Variants in SPMAP2 observed in about 807,000 individuals in gnomAD.
SPMAP2 encodes the protein sperm microtubule associated protein 2, also known as Theg homolog.
the SPMAP2 span, among the ~76,000 whole-genome samples, chr19:368,768 A>G: frequency 6.6e-6 from 1 of 152,188 alleles, no homozygotes; most frequent in African/African-American, 2.4e-5. This position sits in a 1 kb window ranked among gnomAD's most constrained non-coding sequence, Gnocchi z 4.1. Context: ...TTACAATGGA[A>G]GCTCCCACTC....
At chr19:374,235 G>C in the SPMAP2 span, 42 of 1,593,928 alleles carry the variant, frequency 2.6e-5, no homozygotes, top group Non-Finnish European at 3.4e-5. Flanking sequence ...GGAGGAGCCC[G>C]GGAAGGGTGC....
the SPMAP2 span, chr19:362,261 A>C: frequency 2.5e-6 from 4 of 1,587,066 alleles, no homozygotes; most frequent in Non-Finnish European, 2.6e-6. Context: ...TGGCAAGCTC[A>C]TAGAGGCGAG....
the SPMAP2 span, among the ~76,000 whole-genome samples, chr19:363,016 A>G: frequency 6.6e-6 from 1 of 152,060 alleles, no homozygotes. Context: ...GCCAATCCAG[A>G]GTCCGGAAGT....
the SPMAP2 span, chr19:367,153 C>A: frequency 6.2e-7 from 1 of 1,612,104 alleles, no homozygotes; most frequent in Admixed American, 1.7e-5. Context: ...TGGCTGGGGC[C>A]TTCGGCTTTG....
At chr19:362,005 G>A in the SPMAP2 span, 158 of 425,430 alleles carry the variant, frequency 3.7e-4, no homozygotes, top group African/African-American at 2.7e-3. Context: ...GAAGGCGCTC[G>A]AGATGGTCAA....
At chr19:372,412 G>A in the SPMAP2 span, among the ~76,000 whole-genome samples, 1 of 152,248 alleles carries the variant, frequency 6.6e-6, no homozygotes, top group Non-Finnish European at 1.5e-5. Flanking sequence ...TTCCACAGCT[G>A]GCAATGCAGT....
At chr19:367,846 G>A in the SPMAP2 span, among the ~76,000 whole-genome samples, 1 of 152,118 alleles carries the variant, frequency 6.6e-6, no homozygotes, top group Non-Finnish European at 1.5e-5. Context: ...CTCAAGAGAG[G>A]GCAACCCAGC....
chr19:366,986 G>C, the SPMAP2 span: 1 of 1,457,942 alleles, frequency 6.9e-7, no homozygotes, highest in South Asian at 1.3e-5. Flanking sequence ...CCCTCTGCCC[G>C]CTCTAGGCAG....
At chr19:366,056 T>C in the SPMAP2 span, among the ~76,000 whole-genome samples, 14 of 151,732 alleles carry the variant, frequency 9.2e-5, no homozygotes, top group African/African-American at 3.1e-4. Context: ...CAGGAGAATG[T>C]GTGAACCCAG....
the SPMAP2 span, among the ~76,000 whole-genome samples, chr19:369,132 C>T: frequency 2.6e-5 from 4 of 152,158 alleles, no homozygotes; most frequent in East Asian, 3.8e-4. Flanking sequence ...ACTTTAAACA[C>T]GTTTAACTTT....
At chr19:363,017 G>C in the SPMAP2 span, among the ~76,000 whole-genome samples, 5 of 152,090 alleles carry the variant, frequency 3.3e-5, no homozygotes, top group East Asian at 9.6e-4. Flanking sequence ...CCAATCCAGA[G>C]TCCGGAAGTG....
At chr19:362,173 T>C in the SPMAP2 span, 583 of 1,450,212 alleles carry the variant, frequency 4.0e-4, 10 homozygotes, top group South Asian at 8.9e-3. Context: ...TTAGGGTGCC[T>C]GAGGGTGTTT....
chr19:367,679 C>T, the SPMAP2 span, among the ~76,000 whole-genome samples: 2 of 152,152 alleles, frequency 1.3e-5, no homozygotes, highest in African/African-American at 2.4e-5. Context: ...CAGCTGAACA[C>T]GCGCAGGCTT....
chr19:364,367 A>G, the SPMAP2 span, among the ~76,000 whole-genome samples: 2 of 151,604 alleles, frequency 1.3e-5, no homozygotes, highest in African/African-American at 2.4e-5. Flanking sequence ...GAAAGAAAAA[A>G]AAAGAAAAAA....
At chr19:371,983 C>G in the SPMAP2 span, among the ~76,000 whole-genome samples, 2 of 152,222 alleles carry the variant, frequency 1.3e-5, no homozygotes, top group African/African-American at 4.8e-5. Flanking sequence ...TGCACTGCTG[C>G]TTCTACAGGA....
the SPMAP2 span, among the ~76,000 whole-genome samples, chr19:372,275 A>G: frequency 3.3e-5 from 5 of 152,282 alleles, no homozygotes; most frequent in African/African-American, 1.2e-4. Flanking sequence ...TACATAAAAT[A>G]CTAATGTGTC....
At chr19:374,344 A>G in the SPMAP2 span, 26 of 1,614,054 alleles carry the variant, frequency 1.6e-5, no homozygotes, top group Admixed American at 1.5e-4. Flanking sequence ...TGCCAGCTCC[A>G]TGAGCCTCCT....
At chr19:365,882 C>T in the SPMAP2 span, among the ~76,000 whole-genome samples, 3 of 152,168 alleles carry the variant, frequency 2.0e-5, no homozygotes, top group African/African-American at 7.2e-5. Flanking sequence ...CGGTGTCATG[C>T]CTGTAATCCC....
At chr19:374,333 C>G in the SPMAP2 span, 4 of 1,614,110 alleles carry the variant, frequency 2.5e-6, no homozygotes, top group Middle Eastern at 1.6e-4. Context: ...ATCTTGGGCT[C>G]TGCCAGCTCC....
Sources: gnomAD v4.1 joint callset for allele counts (sites outside exome capture counted in the v4.1 genomes callset) on GRCh38, gnomAD v4.1.1 for gene constraint, Gnocchi (gnomAD v3.1) non-coding constraint, MANE v1.5 for transcripts, NCBI Gene and HGNC (gene_info 2026-07-23, HGNC 2026-07-21) for gene names.